Variants in MECOM observed in about 807,000 individuals in gnomAD.
The protein encoded by MECOM is MDS1 and EVI1 complex locus, also known as histone-lysine N-methyltransferase MECOM.
Under a neutral mutation model 116.3 loss-of-function variants are expected in MECOM, and 13 were observed. The observed-to-expected ratio is 0.11, with a 90% CI of 0.07 to 0.18. The LOEUF is 0.18. MECOM is among the 10% of genes least tolerant of loss of function. MECOM has a pLI of 1.00. For synonymous variants in MECOM, 528 were observed against 535.2 expected (o/e 0.99, Z 0.19); for missense variants, 1,299 against 1,509.0 (o/e 0.86, Z 2.31).
At chr3:169,383,742 C>T (rs1385080605) in intron 1 of MECOM, among the ~76,000 whole-genome samples, 1 of 152,176 alleles carries the variant, frequency 6.6e-6, no homozygotes, top group African/African-American at 2.4e-5. Context: ...AAGTATAAAC[C>T]TCTTAGGTTT....
At chr3:169,191,816 T>G (rs746320603) in intron 2 of MECOM, among the ~76,000 whole-genome samples, 1 of 151,072 alleles carries the variant, frequency 6.6e-6, no homozygotes, top group Non-Finnish European at 1.5e-5. Context: ...TAAATCTCTT[T>G]GCTGTGTAAT....
intron 1 of MECOM, among the ~76,000 whole-genome samples, chr3:169,399,042 A>C (rs1735454047): frequency 6.6e-6 from 1 of 152,164 alleles, no homozygotes; most frequent in South Asian, 2.1e-4. Flanking sequence ...AGTACATAAA[A>C]CGTACCTCAA....
chr3:169,344,793 T>C (rs1725075438), intron 2 of MECOM, among the ~76,000 whole-genome samples: 2 of 152,164 alleles, frequency 1.3e-5, no homozygotes, highest in Admixed American at 6.6e-5. Flanking sequence ...TATGCAGATA[T>C]GGGGGCAACC....
At chr3:169,264,242 T>C (rs1309395577) in intron 2 of MECOM, among the ~76,000 whole-genome samples, 1 of 152,220 alleles carries the variant, frequency 6.6e-6, no homozygotes, top group Non-Finnish European at 1.5e-5. Context: ...TGGTGGTGGT[T>C]TATTGTTGAT....
chr3:169,141,309 A>C (rs1738040558), intron 3 of MECOM, among the ~76,000 whole-genome samples: 1 of 152,066 alleles, frequency 6.6e-6, no homozygotes, highest in Non-Finnish European at 1.5e-5. Flanking sequence ...AACACTTTTT[A>C]TAATTTCTTG....
chr3:169,352,710 A>G (rs147601560), intron 2 of MECOM, among the ~76,000 whole-genome samples: 1 of 151,918 alleles, frequency 6.6e-6, no homozygotes, highest in African/African-American at 2.4e-5. Flanking sequence ...AGTAAAGACA[A>G]ACCAACTTCA....
chr3:169,542,951 T>C (rs1303527511), intron 1 of MECOM, among the ~76,000 whole-genome samples: 1 of 152,232 alleles, frequency 6.6e-6, no homozygotes, highest in Non-Finnish European at 1.5e-5. Context: ...TGTGATAATA[T>C]GAACTTGTAA....
chr3:169,246,491 A>G (rs1445739370), intron 2 of MECOM, among the ~76,000 whole-genome samples: 1 of 150,878 alleles, frequency 6.6e-6, no homozygotes, highest in African/African-American at 2.4e-5. Flanking sequence ...AGTTAATTAG[A>G]TTATCTCATC....
intron 2 of MECOM, among the ~76,000 whole-genome samples, chr3:169,332,090 C>G (rs1221421672): frequency 6.6e-6 from 1 of 150,580 alleles, no homozygotes; most frequent in Non-Finnish European, 1.5e-5. Flanking sequence ...CAAAGGCAAA[C>G]TAAAGGGAAG....
chr3:169,157,821 A>G (rs75988348), intron 2 of MECOM, among the ~76,000 whole-genome samples: 8,050 of 152,238 alleles, frequency 0.053, 416 homozygotes, highest in East Asian at 0.29. Flanking sequence ...GGGGGATGCC[A>G]GAAGGGACAT....
chr3:169,247,313 CT>C (rs35304695), intron 2 of MECOM, among the ~76,000 whole-genome samples: 32,913 of 148,974 alleles, frequency 0.22, 3,677 homozygotes, highest in African/African-American at 0.27. Flanking sequence ...TTTTTTTTTT[CT>C]TTTTTTTTGA....
chr3:169,337,072 T>C (rs899570586), intron 2 of MECOM, among the ~76,000 whole-genome samples: 2 of 152,172 alleles, frequency 1.3e-5, no homozygotes, highest in Non-Finnish European at 2.9e-5. Flanking sequence ...TCATGTATGA[T>C]TGCGTCCATG....
intron 1 of MECOM, among the ~76,000 whole-genome samples, chr3:169,411,704 T>C (rs573365979): frequency 2.6e-5 from 4 of 152,318 alleles, no homozygotes; most frequent in Admixed American, 2.6e-4. Flanking sequence ...TGTTAAAGAA[T>C]TTCTGACTGG....
chr3:169,637,253 G>A (rs1003519597), intron 1 of MECOM, among the ~76,000 whole-genome samples: 3 of 152,074 alleles, frequency 2.0e-5, no homozygotes, highest in Non-Finnish European at 4.4e-5. Context: ...AATGACTGCA[G>A]CCCCAGGCCA....
At chr3:169,230,767 A>G (rs1403371112) in intron 2 of MECOM, among the ~76,000 whole-genome samples, 2 of 152,110 alleles carry the variant, frequency 1.3e-5, no homozygotes, top group South Asian at 2.1e-4. Flanking sequence ...AATTTCCTAG[A>G]TGGTCATTTT....
At chr3:169,187,408 A>T (rs1400327400) in intron 2 of MECOM, among the ~76,000 whole-genome samples, 1 of 152,132 alleles carries the variant, frequency 6.6e-6, no homozygotes, top group African/African-American at 2.4e-5. Context: ...ACAAATAAAA[A>T]TGGAAAAGCC....
intron 2 of MECOM, among the ~76,000 whole-genome samples, chr3:169,362,223 TCAA>T (rs1249102480): frequency 6.6e-6 from 1 of 151,758 alleles, no homozygotes. Context: ...TGGGCTTTTC[TCAA>T]CAACAACAAT....
intron 1 of MECOM, among the ~76,000 whole-genome samples, chr3:169,428,713 A>T (rs79642010): frequency 6.6e-6 from 1 of 152,140 alleles, no homozygotes; most frequent in Non-Finnish European, 1.5e-5. Flanking sequence ...CTTTTACCTC[A>T]AATTATTTTT....
intron 2 of MECOM, among the ~76,000 whole-genome samples, chr3:169,191,791 A>AAAGAAAGG (rs1747726745): frequency 2.1e-5 from 3 of 144,154 alleles, no homozygotes; most frequent in Non-Finnish European, 4.5e-5. Flanking sequence ...AGAAAGAAAG[A>AAAGAAAGG]AAGGGAGGGA....
Sources: allele counts gnomAD v4.1 joint callset (sites outside exome capture counted in the v4.1 genomes callset), GRCh38; gene constraint gnomAD v4.1.1; transcripts MANE v1.5; gene names NCBI Gene and HGNC (gene_info 2026-07-23, HGNC 2026-07-21).